Variants in CYREN observed in about 807,000 individuals in gnomAD.
CYREN encodes cell cycle regulator of non-homologous end joining.
A neutral mutation model predicts 9.7 loss-of-function variants in CYREN; 7 were observed. The observed-to-expected ratio is 0.72, with a 90% CI of 0.41 to 1.36. The LOEUF (loss-of-function observed/expected upper bound fraction) is 1.36. Among genes scored for constraint, CYREN ranks in the 40% most tolerant of loss-of-function variants. The probability of loss-of-function intolerance (pLI) is 0.01; values close to 1 mark genes in which losing one functional copy is unlikely to be tolerated. For synonymous variants in CYREN, 76 were observed against 77.9 expected, an observed-to-expected ratio of 0.98 and a Z score of 0.13; for missense variants, 215 against 198.1, an observed-to-expected ratio of 1.09 and a Z score of -0.51.
chr7:135,150,490 GA>G (rs1299518356), intron 2 of CYREN, among the ~76,000 whole-genome samples: 2 of 152,172 alleles, frequency 1.3e-5, no homozygotes, highest in Non-Finnish European at 2.9e-5. Flanking sequence ...CTGATTCAGG[GA>G]GTCATCCAAA....
chr7:135,114,569 C>G (rs1389542215), intron 2 of CYREN, among the ~76,000 whole-genome samples: 2 of 152,068 alleles, frequency 1.3e-5, no homozygotes, highest in Admixed American at 6.6e-5. Context: ...TTGGAGCCAC[C>G]ACTGATTCCT....
At chr7:135,164,534 T>C (rs369926997), downstream of CYREN, 10 of 1,614,040 alleles carry the variant, frequency 6.2e-6, no homozygotes, top group African/African-American at 1.2e-4. Context: ...TGTTTTACGC[T>C]CTTCTCTGGG....
At chr7:135,153,791 C>G (rs1829721251) in intron 2 of CYREN, among the ~76,000 whole-genome samples, 1 of 152,148 alleles carries the variant, frequency 6.6e-6, no homozygotes, top group Non-Finnish European at 1.5e-5. Context: ...GGATATTGGT[C>G]TGTGTTTTCA....
chr7:135,129,647 TG>T, intron 2 of CYREN: 1 of 781,194 alleles, frequency 1.3e-6, no homozygotes, highest in South Asian at 1.3e-5. Context: ...TGTTTTATGC[TG>T]TGGATGTTGA....
chr7:135,158,264 A>G (rs1829843886), intron 2 of CYREN, among the ~76,000 whole-genome samples: 1 of 152,232 alleles, frequency 6.6e-6, no homozygotes, highest in Admixed American at 6.5e-5. Context: ...CATGTTGCAG[A>G]GCAGTGGGTA....
chr7:135,112,622 C>G (rs10240318), intron 2 of CYREN, among the ~76,000 whole-genome samples: 1 of 152,100 alleles, frequency 6.6e-6, no homozygotes, highest in Non-Finnish European at 1.5e-5. Flanking sequence ...AGTGAGTGCC[C>G]TGGTTTATCT....
At chr7:135,162,216 A>C (rs761901114), downstream of CYREN, among the ~76,000 whole-genome samples, 7 of 152,208 alleles carry the variant, frequency 4.6e-5, no homozygotes, top group Non-Finnish European at 8.8e-5. Context: ...CTGTTCCCCC[A>C]GAGGGGTCCC....
At chr7:135,135,497 G>GC in intron 2 of CYREN, 1 of 302,776 alleles carries the variant, frequency 3.3e-6, no homozygotes, top group Non-Finnish European at 5.8e-6. Context: ...TTTATATTTA[G>GC]TTTTTATCAG....
chr7:135,135,071 A>G lies in CYREN; in HGVS notation n.356+33678T>C, dbSNP rs982921554. The G allele has an allele frequency of 2.7e-5, 42 of 1,551,112 alleles. No homozygotes were observed. Among genetic ancestry groups the G allele is most frequent in the Non-Finnish European group, 3.6e-5 (41 of 1,146,662 alleles). ...GAAGACATAAAACCTCTCAGCAGCA[A>G]GTGGGAGACTGCTTCTTCAAGCTTT... On this transcript the variant is annotated intron_variant and non_coding_transcript_variant, in intron 2 of 2. Coordinates refer to the CYREN transcript ENST00000459937.
At chr7:135,134,526 T>C (rs572527442) in intron 2 of CYREN, among the ~76,000 whole-genome samples, 2 of 152,216 alleles carry the variant, frequency 1.3e-5, no homozygotes, top group South Asian at 4.1e-4. Context: ...TACTTTTTAG[T>C]GACCATCTAC....
chr7:135,154,058 TG>T (rs1211549585), intron 2 of CYREN, among the ~76,000 whole-genome samples: 1 of 152,192 alleles, frequency 6.6e-6, no homozygotes, highest in African/African-American at 2.4e-5. Flanking sequence ...GGTTCAATCT[TG>T]GGGGATTTTG....
At chr7:135,095,459 G>A (rs1729925535) in intron 2 of CYREN, among the ~76,000 whole-genome samples, 1 of 152,184 alleles carries the variant, frequency 6.6e-6, no homozygotes, top group African/African-American at 2.4e-5. Context: ...TTTGATACTA[G>A]TGGCTACAGC....
chr7:135,172,056 T>G (rs945501979), upstream of CYREN, among the ~76,000 whole-genome samples: 4 of 152,190 alleles, frequency 2.6e-5, no homozygotes, highest in African/African-American at 9.7e-5. Flanking sequence ...TTGACATCTT[T>G]GTTCTGGTTT....
chr7:135,108,815 T>G (rs891396453), intron 2 of CYREN, among the ~76,000 whole-genome samples: 1 of 152,208 alleles, frequency 6.6e-6, no homozygotes, highest in Non-Finnish European at 1.5e-5. Context: ...CTTTCAGGGA[T>G]GCAAATGATT....
chr7:135,115,290 T>G, intron 2 of CYREN: 1 of 825,548 alleles, frequency 1.2e-6, no homozygotes, highest in Non-Finnish European at 1.9e-6. Flanking sequence ...CAAGGAATTT[T>G]AGATAAAATC....
upstream of CYREN, among the ~76,000 whole-genome samples, chr7:135,171,142 T>C (rs1830633552): frequency 6.6e-6 from 1 of 152,064 alleles, no homozygotes; most frequent in Non-Finnish European, 1.5e-5. Flanking sequence ...ATTAAGAAAA[T>C]AATAGAATAG....
At chr7:135,163,668 C>T (rs886975253), downstream of CYREN, among the ~76,000 whole-genome samples, 7 of 152,088 alleles carry the variant, frequency 4.6e-5, no homozygotes, top group East Asian at 1.9e-4. Context: ...CAAACAAAAA[C>T]GTCTAAGTTT....
rs1047792618 is a variant in CYREN, at chr7:135,168,699, C to T, written c.137+87G>A. ...AACACCCGCCCATCTTGCTGTTCTG[C>T]CTAGGCTGGAAGACCTGGCCCAGGT... On this transcript the variant is annotated intron_variant, in intron 2 of 3. Coordinates refer to ENST00000393114, the MANE Select transcript of CYREN (RefSeq NM_024033.4). 5 of 1,539,206 alleles carry T rather than the reference C, an allele frequency of 3.2e-6. No individual in the cohort carries two copies. The African/African-American group carries it at 5.5e-5, about 17-fold the overall frequency.
Position 135,135,109 on chromosome 7 carries a change from A to C in CYREN, n.356+33640T>G, listed in dbSNP as rs566090447. ...TTCTTCAAGCTTTGGAATGGATGCA[A>C]ATGTTCTAAAATATAAGAGTCTTCA... is the stretch of plus-strand genomic sequence containing the variant. On this transcript the variant is annotated intron_variant and non_coding_transcript_variant, in intron 2 of 2. Coordinates refer to the CYREN transcript ENST00000459937. 19 of 1,551,170 alleles carry C rather than the reference A, an allele frequency of 1.2e-5. No homozygotes were observed. The African/African-American group carries it at 2.3e-4, about 19-fold the overall frequency.
Sources: allele counts gnomAD v4.1 joint callset (sites outside exome capture counted in the v4.1 genomes callset), GRCh38; gene constraint gnomAD v4.1.1; transcripts MANE v1.5; gene names NCBI Gene and HGNC (gene_info 2026-07-23, HGNC 2026-07-21).